SLC13A2: variants seen among roughly 807,000 people sequenced by gnomAD.
SLC13A2 encodes solute carrier family 13 member 2.
Under a neutral mutation model 58.5 loss-of-function variants are expected in SLC13A2, and 40 were observed. That is an observed-to-expected ratio of 0.68 (90% CI 0.53 to 0.89). The LOEUF is 0.89. Among genes scored for constraint, SLC13A2 ranks in the 40% least tolerant of loss-of-function variants. The probability of loss-of-function intolerance (pLI) is 0.00; values close to 1 mark genes in which losing one functional copy is unlikely to be tolerated. For synonymous variants in SLC13A2, 341 were observed against 331.6 expected (o/e 1.03, Z -0.31); for missense variants, 694 against 772.6 (o/e 0.90, Z 1.21).
At chr17:28,483,810 AG>A (rs1392537999) in intron 1 of SLC13A2, among the ~76,000 whole-genome samples, 1 of 152,224 alleles carries the variant, frequency 6.6e-6, no homozygotes, top group Non-Finnish European at 1.5e-5. Flanking sequence ...TTACCAGAAA[AG>A]CTGAGAGAGG....
intron 1 of SLC13A2, among the ~76,000 whole-genome samples, chr17:28,483,649 T>A (rs913134412): frequency 6.6e-6 from 1 of 152,090 alleles, no homozygotes; most frequent in Non-Finnish European, 1.5e-5. Flanking sequence ...AAAAAAAATT[T>A]TTTTTAAAAA....
Position 28,497,141 on chromosome 17 carries a change from A to T in SLC13A2, c.1651A>T (p.Ile551Phe). 1.9e-6 allele frequency: 3 copies of T among 1,614,124 alleles called. No homozygotes were observed. The South Asian group carries it at 3.3e-5, about 18-fold the overall frequency. The change falls in exon 12 of 12, where the codon ATC (isoleucine) becomes TTC (phenylalanine). Residue 551 changes from isoleucine (I) to phenylalanine (F), a missense_variant. Coordinates refer to ENST00000314669, the MANE Select transcript of SLC13A2 (RefSeq NM_003984.4). ...FLLNIIGVLI[I>F]ALAINSWGIP... Reference sequence around the variant, plus strand: ...CCTCAACATCATTGGAGTCCTGATCATCGCACTGGCCATCAACAGCTGGGG... The same window carrying T: ...CCTCAACATCATTGGAGTCCTGATCTTCGCACTGGCCATCAACAGCTGGGG...
At chr17:28,493,849 G>A (rs782744161) in intron 7 of SLC13A2, 60 bp downstream of exon 7, 1 of 1,588,298 alleles carries the variant, frequency 6.3e-7, no homozygotes, top group Non-Finnish European at 8.6e-7. Context: ...CGGGAAGGAG[G>A]GAAGGGTATA....
At chr17:28,477,875 T>C (rs1036201205) in intron 1 of SLC13A2, among the ~76,000 whole-genome samples, 8 of 151,936 alleles carry the variant, frequency 5.3e-5, no homozygotes, top group Admixed American at 3.3e-4. Context: ...CTGGCCAACA[T>C]GGTGAAACTC....
At chr17:28,487,502 A>G (rs184964129) in intron 1 of SLC13A2, 1 of 983,400 alleles carries the variant, frequency 1.0e-6, no homozygotes, top group Admixed American at 6.1e-5. Flanking sequence ...CGCCTGGCAC[A>G]AAGTCATCCT....
Position 28,491,629 on chromosome 17 carries a change from G to A in SLC13A2, c.755+12G>A. The A allele has an allele frequency of 1.2e-6, 2 of 1,611,030 alleles. No homozygotes were observed. The highest frequency in any genetic ancestry group is 1.7e-6 in the Non-Finnish European group (2 of 1,177,848). ...GGCCAGATCAACTCGTGAGTGACAA[G>A]GGGTGGGCCACCTTGGGGGATCTGC... On this transcript the variant is annotated intron_variant, in intron 5 of 11. Coordinates refer to ENST00000314669, the MANE Select transcript of SLC13A2 (RefSeq NM_003984.4).
chr17:28,490,168 G>A (rs1467939694), intron 2 of SLC13A2: 1 of 757,384 alleles, frequency 1.3e-6, no homozygotes, highest in Non-Finnish European at 2.1e-6. Context: ...CAGCTACTTG[G>A]GAGGCTGAGG....
intron 1 of SLC13A2, among the ~76,000 whole-genome samples, chr17:28,477,937 A>C (rs2068719634): frequency 1.3e-5 from 2 of 152,242 alleles, no homozygotes; most frequent in African/African-American, 4.8e-5. Flanking sequence ...GCATGCCTGT[A>C]ATCCCAGCTA....
intron 5 of SLC13A2, 39 bp downstream of exon 5, chr17:28,491,656 C>A: frequency 6.2e-7 from 1 of 1,608,604 alleles, no homozygotes; most frequent in Middle Eastern, 1.7e-4. Context: ...GGGATCTGCA[C>A]ATTCACTGGG....
At chr17:28,481,502 C>G (rs567565536) in intron 1 of SLC13A2, among the ~76,000 whole-genome samples, 13 of 152,278 alleles carry the variant, frequency 8.5e-5, no homozygotes, top group African/African-American at 3.1e-4. Context: ...AAGCCATAGG[C>G]GGCTAACTAG....
rs1006468704 is a variant in SLC13A2, at chr17:28,477,413, C to T, written c.102+3599C>T. Among the ~76,000 whole-genome samples the T allele has an allele frequency of 1.3e-3, 201 of 151,880 alleles. 1 individual carries two copies. Among genetic ancestry groups the T allele is most frequent in the African/African-American group, 4.5e-3 (188 of 41,522 alleles). The stretch of plus-strand genomic sequence containing the variant: ...GTTTCACCGTGTTAGCCAGGATGGT[C>T]TTGATCTCCTGACCTCGTGATCCGC... On this transcript the variant is annotated intron_variant, in intron 1 of 11. Transcript: ENST00000314669.
At chr17:28,495,404 A>G (rs553996930) in intron 9 of SLC13A2, among the ~76,000 whole-genome samples, 7 of 152,136 alleles carry the variant, frequency 4.6e-5, no homozygotes, top group East Asian at 3.9e-4. Flanking sequence ...CCAAGCCCCA[A>G]ATTTCCCAAG....
At chr17:28,474,828 C>T (rs545572125) in intron 1 of SLC13A2, among the ~76,000 whole-genome samples, 1 of 152,118 alleles carries the variant, frequency 6.6e-6, no homozygotes, top group African/African-American at 2.4e-5. Context: ...TTCTCTCCAC[C>T]CTGCTGCCTC....
intron 5 of SLC13A2, 51 bp from the exon 6 acceptor site, chr17:28,491,679 C>G: frequency 6.2e-7 from 1 of 1,609,756 alleles, no homozygotes; most frequent in Non-Finnish European, 8.5e-7. Flanking sequence ...GTGAATGGGG[C>G]TGGGCAGTTC....
At chr17:28,486,674 G>C (rs782025616) in intron 1 of SLC13A2, among the ~76,000 whole-genome samples, 2 of 152,106 alleles carry the variant, frequency 1.3e-5, no homozygotes, top group Non-Finnish European at 2.9e-5. Flanking sequence ...AGGTACTCTC[G>C]GGCACTCCCT....
chr17:28,495,119 G>A (rs782024282), intron 9 of SLC13A2, among the ~76,000 whole-genome samples: 5 of 152,156 alleles, frequency 3.3e-5, no homozygotes, highest in African/African-American at 7.2e-5. Context: ...CCCACTGAGC[G>A]AGATTAAGTC....
chr17:28,493,836 G>A (rs1405094125), intron 7 of SLC13A2, 47 bp downstream of exon 7: 1 of 1,601,008 alleles, frequency 6.2e-7, no homozygotes, highest in African/African-American at 1.3e-5. Context: ...GGGCTCACAT[G>A]CTCGGGAAGG....
intron 1 of SLC13A2, among the ~76,000 whole-genome samples, chr17:28,482,812 G>T (rs1463799117): frequency 6.6e-6 from 1 of 152,168 alleles, no homozygotes; most frequent in Non-Finnish European, 1.5e-5. Context: ...ACCCGCTCAA[G>T]GTTCCCTCTC....
At chr17:28,481,340 G>GGTGTGCAAATCAAT (rs1157867512) in intron 1 of SLC13A2, among the ~76,000 whole-genome samples, 2 of 152,202 alleles carry the variant, frequency 1.3e-5, no homozygotes, top group Non-Finnish European at 2.9e-5. Context: ...TTCACATCAA[G>GGTGTGCAAATCAAT]GTGTGCAAAT....
Sources: gnomAD v4.1 joint callset for allele counts (sites outside exome capture counted in the v4.1 genomes callset) on GRCh38, gnomAD v4.1.1 for gene constraint, MANE v1.5 for transcripts, NCBI Gene and HGNC (gene_info 2026-07-23, HGNC 2026-07-21) for gene names.